ZNF644: variants seen among roughly 807,000 people sequenced by gnomAD.
ZNF644 encodes the protein zinc finger motif enhancer binding protein 2.
ZNF644 carries 20 observed loss-of-function variants against 108.0 expected under a neutral mutation model. The observed-to-expected ratio is 0.19, with a 90% CI of 0.13 to 0.27. The LOEUF (loss-of-function observed/expected upper bound fraction) is 0.27. ZNF644 is among the 10% of genes least tolerant of loss of function. The pLI is 1.00. For missense variants in ZNF644, 1,338 were observed against 1,548.9 expected (o/e 0.86, Z 2.29); for synonymous variants, 542 against 539.1 (o/e 1.01, Z -0.08).
chr1:91,007,220 A>ATTTTTTTTTTTTTTTTTTTTTTT (rs1557658483), intron 1 of ZNF644, among the ~76,000 whole-genome samples: 1 of 30,276 alleles, frequency 3.3e-5, no homozygotes, highest in Non-Finnish European at 6.5e-5. Flanking sequence ...ATTTTCTCCC[A>ATTTTTTTTTTTTTTTTTTTTTTT]TTTTGTTTTT....
At chr1:90,987,134 A>T (rs543570559) in intron 1 of ZNF644, among the ~76,000 whole-genome samples, 9 of 151,042 alleles carry the variant, frequency 6.0e-5, no homozygotes, top group Non-Finnish European at 1.2e-4. Flanking sequence ...AGAGGAACAA[A>T]CTAAACCAAA....
At chr1:90,984,302 G>C (rs905786891) in intron 1 of ZNF644, among the ~76,000 whole-genome samples, 3 of 152,148 alleles carry the variant, frequency 2.0e-5, no homozygotes, top group African/African-American at 7.2e-5. Context: ...AACTGCATTG[G>C]TCTGCTAGGA....
chr1:90,965,637 T>C (rs1225657861), intron 2 of ZNF644, among the ~76,000 whole-genome samples: 1 of 152,186 alleles, frequency 6.6e-6, no homozygotes, highest in Non-Finnish European at 1.5e-5. Flanking sequence ...AATAACAGAA[T>C]ACTATTTTAA....
In ZNF644 at chr1:90,937,973, G is replaced by A. The variant is rs199759472; in HGVS notation, c.3200C>T (p.Thr1067Met). 1.8e-4 allele frequency: 288 copies of A among 1,612,004 alleles called. No homozygotes were observed. The highest frequency in any genetic ancestry group is 3.3e-4 in the Middle Eastern group (2 of 6,082). The change falls in exon 4 of 6, where the codon ACG (threonine) becomes ATG (methionine). Residue 1067 changes from threonine to methionine, a missense_variant. By Grantham distance (81) the Thr-to-Met change is moderately conservative. Coordinates refer to ENST00000337393, the MANE Select transcript of ZNF644 (RefSeq NM_201269.3). The part of the protein sequence containing the change: ...VRGHLKRLGK[T>M]KWDAHKSPIC... ...TGGAGATTTGTGAGCATCCCATTTCGTCTTTCCAAGTCTTTTCAAGTGGCC... is the reference window on the plus strand; with the variant it reads ...TGGAGATTTGTGAGCATCCCATTTCATCTTTCCAAGTCTTTTCAAGTGGCC...
At chr1:90,928,824 A>C (rs902224992) in intron 4 of ZNF644, among the ~76,000 whole-genome samples, 1 of 152,146 alleles carries the variant, frequency 6.6e-6, no homozygotes, top group Non-Finnish European at 1.5e-5. Flanking sequence ...TCTCTGCCTG[A>C]AATATTCTAC....
intron 2 of ZNF644, among the ~76,000 whole-genome samples, chr1:90,948,023 C>T (rs536057854): frequency 7.2e-5 from 11 of 152,018 alleles, no homozygotes; most frequent in East Asian, 1.9e-4. Context: ...GACAATTATA[C>T]GTAAAGAAGT....
At chr1:90,935,490 C>T in intron 4 of ZNF644, 1 of 985,820 alleles carries the variant, frequency 1.0e-6, no homozygotes, top group Non-Finnish European at 1.2e-6. Context: ...TTGTAAACGT[C>T]GTATTGCAAT....
intron 1 of ZNF644, among the ~76,000 whole-genome samples, chr1:90,987,363 C>T (rs1467911428): frequency 6.8e-6 from 1 of 147,624 alleles, no homozygotes; most frequent in African/African-American, 2.5e-5. Context: ...GGGGACATTA[C>T]AACTGATGCC....
intron 2 of ZNF644, among the ~76,000 whole-genome samples, chr1:90,963,837 G>A (rs971340798): frequency 7.2e-5 from 11 of 152,158 alleles, no homozygotes; most frequent in East Asian, 3.9e-4. Flanking sequence ...TCTATTTCTC[G>A]ATCTGTGGTG....
chr1:91,008,541 T>C (rs1359725664), intron 1 of ZNF644, among the ~76,000 whole-genome samples: 1 of 152,222 alleles, frequency 6.6e-6, no homozygotes, highest in Admixed American at 6.5e-5. Flanking sequence ...AAGCTTCCTA[T>C]ACCACTAGTT....
intron 4 of ZNF644, among the ~76,000 whole-genome samples, chr1:90,930,388 T>A (rs1406507645): frequency 1.3e-5 from 2 of 152,182 alleles, no homozygotes; most frequent in African/African-American, 4.8e-5. Flanking sequence ...AACTAGAAAT[T>A]TCCAATTACT....
At chr1:90,946,653 T>C (rs895519442) in intron 2 of ZNF644, among the ~76,000 whole-genome samples, 6 of 152,096 alleles carry the variant, frequency 3.9e-5, no homozygotes, top group African/African-American at 1.2e-4. Context: ...AATGAAAATA[T>C]GACATTAAAT....
In ZNF644 at chr1:90,938,194, A is replaced by G. The variant is rs981633705; in HGVS notation, c.3082+78T>C. 153 of 1,610,010 alleles carry G rather than the reference A, an allele frequency of 9.5e-5. No homozygotes were observed. Among genetic ancestry groups the G allele is most frequent in the Non-Finnish European group, 1.3e-4 (150 of 1,177,134 alleles). ...TAAAATTATGATTCTAATAAAGACT[A>G]AATTCAAAAAAAACTTTTAAATCTT... On this transcript the variant is annotated intron_variant, in intron 3 of 5. Coordinates refer to ENST00000337393, the MANE Select transcript of ZNF644 (RefSeq NM_201269.3). The surrounding 1 kb of genome is among the most constrained non-coding windows in gnomAD (Gnocchi z 4.2).
chr1:90,935,370 T>A, intron 4 of ZNF644: 1 of 985,876 alleles, frequency 1.0e-6, no homozygotes, highest in Non-Finnish European at 1.2e-6. Context: ...AAGTGTATTG[T>A]ATCAAACAGA....
At chr1:90,941,557 G>A (rs904398902) in intron 2 of ZNF644, among the ~76,000 whole-genome samples, 1 of 152,058 alleles carries the variant, frequency 6.6e-6, no homozygotes, top group Non-Finnish European at 1.5e-5. Flanking sequence ...AAAATGTCTA[G>A]GGAAAAGCAA....
At chr1:90,966,714 C>T (rs1423162614) in intron 2 of ZNF644, among the ~76,000 whole-genome samples, 1 of 139,646 alleles carries the variant, frequency 7.2e-6, no homozygotes, top group Non-Finnish European at 1.5e-5. Context: ...TGTACCACTG[C>T]ACTCCAGTAT....
In ZNF644 at chr1:91,013,304, G is replaced by A. The variant is rs1357831358; in HGVS notation, c.-18+8686C>T. Among the ~76,000 whole-genome samples, 3 of 152,040 alleles carry A rather than the reference G, an allele frequency of 2.0e-5. 1 individual carries two copies. The highest frequency in any genetic ancestry group is 2.0e-4 in the Admixed American group (3 of 15,246). On this transcript the variant is annotated intron_variant, in intron 1 of 5. Coordinates refer to ENST00000337393, the MANE Select transcript of ZNF644 (RefSeq NM_201269.3). ...TTGGCCAAGCTGGTCTCAAACTCCT[G>A]ACCTCAGGCGATCTGCCGACCTCAG...
rs536035725 is a variant in ZNF644 at position 90,949,878 on chromosome 1, G to A, written c.45-8569C>T. ...ATTTTTAGTTAGCAGCTAAATTTGC[G>A]TGTTTTTAGCAATAGGATTCCCAGT... On this transcript the variant is annotated intron_variant, in intron 2 of 5. Transcript: ENST00000337393. 6.6e-5 allele frequency among the ~76,000 whole-genome samples: 10 copies of A among 152,216 alleles called. 1 individual carries two copies. The East Asian group carries it at 1.7e-3, about 27-fold the overall frequency.
intron 2 of ZNF644, among the ~76,000 whole-genome samples, chr1:90,959,502 T>C (rs965018954): frequency 5.3e-5 from 8 of 152,152 alleles, no homozygotes; most frequent in Admixed American, 4.6e-4. Context: ...AACTCAAATA[T>C]TCATTAAGGA....
Sources: allele counts gnomAD v4.1 joint callset (sites outside exome capture counted in the v4.1 genomes callset), GRCh38; gene constraint gnomAD v4.1.1; non-coding constraint Gnocchi (gnomAD v3.1); transcripts MANE v1.5; gene names NCBI Gene and HGNC (gene_info 2026-07-23, HGNC 2026-07-21).